Variants in CFAP20DC observed in about 807,000 individuals in gnomAD.
CFAP20DC encodes the protein CFAP20 domain containing, also known as protein CFAP20DC.
In CFAP20DC, 84 loss-of-function variants were observed where a neutral mutation model predicts 101.7. That is an observed-to-expected ratio of 0.83 (90% CI 0.69 to 0.99). The LOEUF (loss-of-function observed/expected upper bound fraction) is 0.99. CFAP20DC is among the 50% of genes least tolerant of loss of function. CFAP20DC has a pLI of 0.00. For missense variants in CFAP20DC, 1,007 were observed against 970.3 expected, an observed-to-expected ratio of 1.04 and a Z score of -0.50; for synonymous variants, 359 against 351.2, an observed-to-expected ratio of 1.02 and a Z score of -0.25.
chr3:58,831,322 T>C (rs1024392164), intron 14 of CFAP20DC, among the ~76,000 whole-genome samples: 2 of 152,238 alleles, frequency 1.3e-5, no homozygotes, highest in Admixed American at 6.5e-5. Context: ...TCTGTGTTCA[T>C]TCATTTCATA....
At position 58,863,361 on chromosome 3, in the gene CFAP20DC, A is replaced by C. The variant is rs1404610531; in HGVS notation, c.1593+197T>G. ...CTATAAGTAAAAGTGAAATTGGCTG[A>C]CTGTTAATTAAAAAAAAAAAAAGAC... On this transcript the variant is annotated intron_variant, in intron 12 of 16. Coordinates refer to ENST00000482387, the MANE Select transcript of CFAP20DC (RefSeq NM_001394063.1). This position sits in a 1 kb window ranked among gnomAD's most constrained non-coding sequence, Gnocchi z 5.9. 1 of 1,409,106 alleles carries C rather than the reference A, an allele frequency of 7.1e-7. No homozygotes were observed. Among genetic ancestry groups the C allele is most frequent in the Non-Finnish European group, 9.2e-7 (1 of 1,087,596 alleles). 87.3% of individuals were successfully genotyped at this position (1,409,106 alleles called of 1,614,324 possible).
chr3:58,876,422 T>C (rs958139601), intron 7 of CFAP20DC, among the ~76,000 whole-genome samples: 5 of 152,090 alleles, frequency 3.3e-5, no homozygotes, highest in Admixed American at 6.5e-5. Context: ...CAGAAATGCA[T>C]GCTTTTGAAT....
intron 14 of CFAP20DC, among the ~76,000 whole-genome samples, chr3:58,808,435 C>CTTAAATTCTTAAATTCTTAAAGA: frequency 1.3e-5 from 2 of 152,288 alleles, no homozygotes; most frequent in South Asian, 4.1e-4. Flanking sequence ...AAAGAATTTT[C>CTTAAATTCTTAAATTCTTAAAGA]AACCCAGAAT....
intron 16 of CFAP20DC, among the ~76,000 whole-genome samples, chr3:58,745,864 C>T (rs1575534912): frequency 6.6e-6 from 1 of 152,108 alleles, no homozygotes; most frequent in East Asian, 1.9e-4. Flanking sequence ...TTGGGAAATT[C>T]ACTGCTCTGA....
intron 15 of CFAP20DC, among the ~76,000 whole-genome samples, chr3:58,802,773 T>G (rs907416062): frequency 2.0e-5 from 3 of 152,212 alleles, no homozygotes; most frequent in African/African-American, 7.2e-5. Context: ...TGCAGCACTT[T>G]AGCTATTTTC....
chr3:59,044,076 T>G (rs1217633053), intron 3 of CFAP20DC, among the ~76,000 whole-genome samples: 1 of 152,142 alleles, frequency 6.6e-6, no homozygotes, highest in Non-Finnish European at 1.5e-5. Context: ...ATATTATTTT[T>G]TAAAACAAAA....
At chr3:58,740,268 T>C (rs1394966869), downstream of CFAP20DC, among the ~76,000 whole-genome samples, 1 of 152,178 alleles carries the variant, frequency 6.6e-6, no homozygotes, top group African/African-American at 2.4e-5. This position sits in a 1 kb window ranked among gnomAD's most constrained non-coding sequence, Gnocchi z 4.6. Context: ...GGTTTTTGCC[T>C]GTCTGACACC....
chr3:58,755,361 T>C (rs1202589420), intron 15 of CFAP20DC, among the ~76,000 whole-genome samples: 1 of 152,122 alleles, frequency 6.6e-6, no homozygotes, highest in Non-Finnish European at 1.5e-5. Context: ...GCTACTTAAT[T>C]ATAGCAGACC....
intron 15 of CFAP20DC, among the ~76,000 whole-genome samples, chr3:58,758,592 G>T (rs2069188545): frequency 6.6e-6 from 1 of 151,948 alleles, no homozygotes. Context: ...CAACGTGCAG[G>T]TTTGTTACAT....
At chr3:58,884,475 G>A in intron 7 of CFAP20DC, 70 bp downstream of exon 7, 1 of 1,438,328 alleles carries the variant, frequency 7.0e-7, no homozygotes, top group Non-Finnish European at 9.7e-7. Context: ...TGCCCTTTTT[G>A]GAGGAAGTCA....
At chr3:58,958,748 CT>C (rs949857037) in intron 4 of CFAP20DC, among the ~76,000 whole-genome samples, 20 of 151,764 alleles carry the variant, frequency 1.3e-4, no homozygotes, top group African/African-American at 4.8e-4. Context: ...AGCCCTTTGT[CT>C]TTTTTTTCTG....
At chr3:58,782,710 T>C (rs1223923094) in intron 15 of CFAP20DC, among the ~76,000 whole-genome samples, 1 of 151,926 alleles carries the variant, frequency 6.6e-6, no homozygotes, top group Non-Finnish European at 1.5e-5. Flanking sequence ...TAACCAAGGA[T>C]GTGAAGAATT....
At chr3:58,872,820 G>T (rs73837993) in intron 7 of CFAP20DC, among the ~76,000 whole-genome samples, 14,936 of 151,324 alleles carry the variant, frequency 0.099, 2,426 homozygotes, top group African/African-American at 0.34. Context: ...GAAGTCTGGA[G>T]AGCTATGCTG....
At chr3:59,032,100 G>C (rs907329566) in intron 4 of CFAP20DC, among the ~76,000 whole-genome samples, 1 of 152,128 alleles carries the variant, frequency 6.6e-6, no homozygotes, top group African/African-American at 2.4e-5. Flanking sequence ...AGGGTTCGGG[G>C]AACTCCTTCC....
chr3:58,992,260 C>T (rs1044399657), intron 4 of CFAP20DC, among the ~76,000 whole-genome samples: 2 of 152,116 alleles, frequency 1.3e-5, no homozygotes, highest in Non-Finnish European at 2.9e-5. Context: ...GTATTATTAC[C>T]AGTACCTGAC....
At chr3:58,853,678 A>G (rs1050119170) in intron 12 of CFAP20DC, among the ~76,000 whole-genome samples, 1 of 152,192 alleles carries the variant, frequency 6.6e-6, no homozygotes, top group African/African-American at 2.4e-5. Context: ...GGCTGGTTCA[A>G]TATACACAAA....
At position 58,942,391 on chromosome 3, in the gene CFAP20DC, A is replaced by G. The variant is rs567696874; in HGVS notation, c.279-4629T>C. 3.9e-5 allele frequency among the ~76,000 whole-genome samples: 6 copies of G among 152,240 alleles called. No homozygotes were observed. The South Asian group carries it at 1.2e-3, about 32-fold the overall frequency. On this transcript the variant is annotated intron_variant, in intron 4 of 16. Coordinates refer to ENST00000482387, the MANE Select transcript of CFAP20DC (RefSeq NM_001394063.1). ...GAGGTACCCGGCTCATTTCACTGGG[A>G]CTGGTTAGACAGTGGTTGCAGTCCA...
intron 5 of CFAP20DC, among the ~76,000 whole-genome samples, chr3:58,931,604 T>C (rs559419401): frequency 1.3e-5 from 2 of 152,308 alleles, no homozygotes; most frequent in South Asian, 2.1e-4. Context: ...GACAGCAGCA[T>C]TCGCGGTTCA....
intron 4 of CFAP20DC, among the ~76,000 whole-genome samples, chr3:58,958,127 T>A (rs1232500609): frequency 6.6e-6 from 1 of 152,118 alleles, no homozygotes; most frequent in African/African-American, 2.4e-5. Context: ...ATATGCCTAT[T>A]ATGCACCCAC....
Sources: gnomAD v4.1 joint callset for allele counts (sites outside exome capture counted in the v4.1 genomes callset) on GRCh38, gnomAD v4.1.1 for gene constraint, Gnocchi (gnomAD v3.1) non-coding constraint, MANE v1.5 for transcripts, NCBI Gene and HGNC (gene_info 2026-07-23, HGNC 2026-07-21) for gene names.